Variants in NFIA observed in about 807,000 individuals in gnomAD.
NFIA encodes the protein nuclear factor I A, also known as nuclear factor 1 A-type.
Under a neutral mutation model 62.8 loss-of-function variants are expected in NFIA, and 8 were observed. That is an observed-to-expected ratio of 0.13 (90% CI 0.07 to 0.23). NFIA has a LOEUF of 0.23. Among genes scored for constraint, NFIA ranks in the 10% least tolerant of loss-of-function variants. The probability of loss-of-function intolerance (pLI) is 1.00; values close to 1 mark genes in which losing one functional copy is unlikely to be tolerated. For synonymous variants in NFIA, 235 were observed against 238.1 expected, an observed-to-expected ratio of 0.99 and a Z score of 0.12; for missense variants, 410 against 642.1, an observed-to-expected ratio of 0.64 and a Z score of 3.91.
At chr1:61,192,981 A>G (rs572371385) in intron 2 of NFIA, among the ~76,000 whole-genome samples, 22 of 152,278 alleles carry the variant, frequency 1.4e-4, no homozygotes, top group African/African-American at 5.3e-4. Context: ...TTTAAAATTT[A>G]AACATTTTTG....
chr1:61,257,885 CT>C (rs58230415), intron 2 of NFIA, among the ~76,000 whole-genome samples: 20,319 of 115,168 alleles, frequency 0.18, 1,244 homozygotes, highest in East Asian at 0.3. Context: ...TTCTTTTTTT[CT>C]TTTTTTTTTT....
intron 6 of NFIA, among the ~76,000 whole-genome samples, chr1:61,361,075 T>A (rs2180199): frequency 0.83 from 125,594 of 151,950 alleles, 52,012 homozygotes; most frequent in East Asian, 0.95. Flanking sequence ...CATAAGCAGA[T>A]CATTATACGG....
At position 61,102,040 on chromosome 1, in the gene NFIA, G is replaced by A. The variant is rs185580712; in HGVS notation, c.559+13360G>A. Among the ~76,000 whole-genome samples, 11 of 152,208 alleles carry A rather than the reference G, an allele frequency of 7.2e-5. No individual in the cohort carries two copies. In the East Asian group the frequency reaches 1.2e-3, roughly 16 times the overall value. ...AATCTGTTTCTCCATTCATTAATAC[G>A]TGTGCTTTTCTTTGTATAGAGCACA... On this transcript the variant is annotated intron_variant, in intron 2 of 10. Coordinates refer to ENST00000403491, the MANE Select transcript of NFIA (RefSeq NM_001134673.4).
At chr1:61,419,579 C>T (rs902951224) in intron 9 of NFIA, among the ~76,000 whole-genome samples, 1 of 152,188 alleles carries the variant, frequency 6.6e-6, no homozygotes, top group African/African-American at 2.4e-5. Flanking sequence ...CACATTATAA[C>T]ATGAATTCTC....
At chr1:61,114,562 A>AT (rs1008245356) in intron 2 of NFIA, among the ~76,000 whole-genome samples, 12 of 152,170 alleles carry the variant, frequency 7.9e-5, no homozygotes, top group Middle Eastern at 3.4e-3. Flanking sequence ...TTTTTCTTAT[A>AT]TTTTTTTAAA....
chr1:61,372,560 GA>G (rs1171119949), intron 6 of NFIA, among the ~76,000 whole-genome samples: 5 of 143,530 alleles, frequency 3.5e-5, no homozygotes. Context: ...ACTTGTTTCT[GA>G]TATGTCATTG....
chr1:61,181,939 T>A (rs562346755), intron 2 of NFIA, among the ~76,000 whole-genome samples: 1 of 152,348 alleles, frequency 6.6e-6, no homozygotes, highest in African/African-American at 2.4e-5. Context: ...TGGGTCAGAA[T>A]GGTTGCTTTT....
intron 9 of NFIA, among the ~76,000 whole-genome samples, chr1:61,412,309 G>C (rs1272033042): frequency 6.6e-6 from 1 of 152,156 alleles, no homozygotes; most frequent in Non-Finnish European, 1.5e-5. Context: ...GGACCAGTAA[G>C]TACAATGGAG....
Position 61,341,298 on chromosome 1 carries a change from G to A in NFIA, c.700+8712G>A, listed in dbSNP as rs112956499. Among the ~76,000 whole-genome samples the A allele has an allele frequency of 6.3e-3, 951 of 152,064 alleles. 21 individuals carry two copies. Among genetic ancestry groups the A allele is most frequent in the African/African-American group, 0.022 (892 of 41,476 alleles). On this transcript the variant is annotated intron_variant, in intron 4 of 10. Transcript: ENST00000403491. ...GATCTCCTGACCTCGTGATCCGCCC[G>A]CCTCCACCTCCCGAAGTGCTGGGAT...
At chr1:61,362,060 T>C (rs919038559) in intron 6 of NFIA, among the ~76,000 whole-genome samples, 1 of 152,048 alleles carries the variant, frequency 6.6e-6, no homozygotes, top group Non-Finnish European at 1.5e-5. Context: ...GTTGCACATG[T>C]TCTTGGTGAC....
intron 2 of NFIA, among the ~76,000 whole-genome samples, chr1:61,174,630 T>A (rs962403095): frequency 1.3e-5 from 2 of 152,194 alleles, no homozygotes; most frequent in South Asian, 4.1e-4. Context: ...CCATTTGCAT[T>A]GAAAACTGAG....
intron 6 of NFIA, among the ~76,000 whole-genome samples, chr1:61,381,803 C>T (rs866519331): frequency 6.6e-5 from 10 of 152,122 alleles, no homozygotes; most frequent in African/African-American, 2.4e-4. Flanking sequence ...CTTATACAGT[C>T]TGAGTCACAC....
Position 61,082,690 on chromosome 1 carries a change from CT to C in NFIA, c.-101del. 6.5e-7 allele frequency: 1 copy of C among 1,541,406 alleles called. No individual in the cohort carries two copies. On this transcript the variant is annotated 5_prime_UTR_variant, in exon 1 of 11. Transcript: ENST00000403491. ...TCCCCCCTTCTCTCTCTCTCTCTCT[CT>C]CTCTCTTCCTCTCTCCCTCTTTCTC...
intron 2 of NFIA, among the ~76,000 whole-genome samples, chr1:61,255,637 C>T (rs771017543): frequency 5.5e-4 from 84 of 152,160 alleles, no homozygotes; most frequent in Non-Finnish European, 9.9e-4. Flanking sequence ...AAATCTTTTA[C>T]GAGTAGATTT....
At chr1:61,209,557 C>A (rs1653110773) in intron 2 of NFIA, among the ~76,000 whole-genome samples, 1 of 151,880 alleles carries the variant, frequency 6.6e-6, no homozygotes, top group Admixed American at 6.6e-5. Flanking sequence ...TGGCTCATAC[C>A]TGATACCTGT....
intron 6 of NFIA, among the ~76,000 whole-genome samples, chr1:61,360,226 T>C (rs958912398): frequency 6.6e-6 from 1 of 152,212 alleles, no homozygotes; most frequent in Admixed American, 6.5e-5. Context: ...TAAGTCTGAT[T>C]GCAAAAACTA....
chr1:61,298,226 G>A (rs112543382), intron 3 of NFIA, among the ~76,000 whole-genome samples: 2 of 152,122 alleles, frequency 1.3e-5, no homozygotes, highest in Admixed American at 1.3e-4. Flanking sequence ...GTATTTTCCT[G>A]TGCTCACACA....
chr1:61,294,780 C>G (rs1659098292), intron 3 of NFIA, among the ~76,000 whole-genome samples: 1 of 152,158 alleles, frequency 6.6e-6, no homozygotes, highest in African/African-American at 2.4e-5. Context: ...TCCCTGTTGT[C>G]TGGTGCAGTG....
chr1:61,276,660 A>G (rs1231697978), intron 2 of NFIA, among the ~76,000 whole-genome samples: 1 of 152,146 alleles, frequency 6.6e-6, no homozygotes, highest in African/African-American at 2.4e-5. Flanking sequence ...CAAAAACTGT[A>G]CCATAAATAT....
Sources: gnomAD v4.1 joint callset for allele counts (sites outside exome capture counted in the v4.1 genomes callset) on GRCh38, gnomAD v4.1.1 for gene constraint, MANE v1.5 for transcripts, NCBI Gene and HGNC (gene_info 2026-07-23, HGNC 2026-07-21) for gene names.